MAML3: variants seen among roughly 807,000 people sequenced by gnomAD.
MAML3 encodes mastermind like transcriptional coactivator 3, also known as mastermind-like protein 3.
Under a neutral mutation model 101.9 loss-of-function variants are expected in MAML3, and 27 were observed. The observed-to-expected ratio is 0.27, with a 90% CI of 0.20 to 0.37. MAML3 has a LOEUF of 0.37. MAML3 is among the 10% of genes least tolerant of loss of function. The pLI, the probability that MAML3 is intolerant of heterozygous loss-of-function variation, is 1.00. For missense variants in MAML3, 1,316 were observed against 1,444.9 expected, an observed-to-expected ratio of 0.91 and a Z score of 1.45; for synonymous variants, 501 against 555.9, an observed-to-expected ratio of 0.90 and a Z score of 1.39.
rs936994739 is a variant in MAML3 at position 140,143,212 on chromosome 4, C to T, written c.468+9648G>A. Among the ~76,000 whole-genome samples, 12 of 152,214 alleles carry T rather than the reference C, an allele frequency of 7.9e-5. 1 individual carries two copies. Among genetic ancestry groups the T allele is most frequent in the Admixed American group, 7.2e-4 (11 of 15,288 alleles). On this transcript the variant is annotated intron_variant, in intron 1 of 4. Coordinates refer to ENST00000509479, the MANE Select transcript of MAML3 (RefSeq NM_018717.5). Reference sequence around the variant, plus strand: ...CCAGTGAGAATAAGGACGTCCTGTTCACCACTGCATCCTCAGTGGCTAGAA... The same window carrying T: ...CCAGTGAGAATAAGGACGTCCTGTTTACCACTGCATCCTCAGTGGCTAGAA...
intron 1 of MAML3, among the ~76,000 whole-genome samples, chr4:139,957,620 T>A (rs769655): frequency 0.72 from 109,573 of 152,062 alleles, 41,043 homozygotes; most frequent in East Asian, 0.92. Flanking sequence ...GACCAAAGAA[T>A]GACAGTCCTG....
At chr4:139,824,738 C>A (rs1486823326) in intron 2 of MAML3, among the ~76,000 whole-genome samples, 1 of 152,138 alleles carries the variant, frequency 6.6e-6, no homozygotes, top group Non-Finnish European at 1.5e-5. Context: ...TAGTTTCTGA[C>A]TTTTTAGCAT....
chr4:140,023,392 G>T (rs1033073490), intron 1 of MAML3, among the ~76,000 whole-genome samples: 2 of 152,138 alleles, frequency 1.3e-5, no homozygotes, highest in African/African-American at 4.8e-5. Flanking sequence ...TACACTCTTG[G>T]TGAGTGAGCA....
Position 140,057,042 on chromosome 4 carries a change from T to C in MAML3, c.468+95818A>G, listed in dbSNP as rs142156207. 2.0e-5 allele frequency among the ~76,000 whole-genome samples: 3 copies of C among 152,236 alleles called. No homozygotes were observed. In the East Asian group the frequency reaches 5.8e-4, roughly 29 times the overall value. ...TAACTTGCCCAAATCAGAAGCATAA[T>C]AAATAACAAAGTCAGGATTTAAGCC... On this transcript the variant is annotated intron_variant, in intron 1 of 4. Coordinates refer to ENST00000509479, the MANE Select transcript of MAML3 (RefSeq NM_018717.5).
At chr4:140,090,784 C>T (rs1213078505) in intron 1 of MAML3, among the ~76,000 whole-genome samples, 1 of 152,192 alleles carries the variant, frequency 6.6e-6, no homozygotes, top group Non-Finnish European at 1.5e-5. Flanking sequence ...GGCATGGTGG[C>T]TCAGGCCTAT....
At chr4:139,762,576 C>T (rs1484060717) in intron 2 of MAML3, among the ~76,000 whole-genome samples, 1 of 152,036 alleles carries the variant, frequency 6.6e-6, no homozygotes, top group Non-Finnish European at 1.5e-5. Flanking sequence ...AAATATTCAG[C>T]ATCATAAACC....
At chr4:140,152,261 C>T (rs1729186361) in intron 1 of MAML3, among the ~76,000 whole-genome samples, 1 of 152,228 alleles carries the variant, frequency 6.6e-6, no homozygotes, top group Admixed American at 6.5e-5. Context: ...AAAGTTCATT[C>T]ACAAAACTCT....
intron 1 of MAML3, among the ~76,000 whole-genome samples, chr4:140,055,606 A>T (rs1276969658): frequency 6.6e-6 from 1 of 152,242 alleles, no homozygotes; most frequent in Non-Finnish European, 1.5e-5. Flanking sequence ...AGGAGCTTAG[A>T]AACAGATATT....
At chr4:140,140,647 ATACT>A (rs766918640) in intron 1 of MAML3, among the ~76,000 whole-genome samples, 1 of 152,242 alleles carries the variant, frequency 6.6e-6, no homozygotes, top group Admixed American at 6.5e-5. Context: ...TTGAAGCATA[ATACT>A]TAGTTTATTG....
chr4:139,791,667 G>T (rs1730417987), intron 2 of MAML3, among the ~76,000 whole-genome samples: 1 of 152,104 alleles, frequency 6.6e-6, no homozygotes. Flanking sequence ...AGTCAAAGCA[G>T]CTTTACTCAT....
chr4:139,981,925 G>A (rs1218163524), intron 1 of MAML3, among the ~76,000 whole-genome samples: 3 of 152,044 alleles, frequency 2.0e-5, no homozygotes, highest in Non-Finnish European at 4.4e-5. Flanking sequence ...GATTTATCAC[G>A]ACTGATGTGA....
chr4:139,721,573 G>A (rs1266041291), intron 4 of MAML3, among the ~76,000 whole-genome samples: 1 of 152,132 alleles, frequency 6.6e-6, no homozygotes, highest in Non-Finnish European at 1.5e-5. Context: ...TCTTCCTGAT[G>A]TGGCTATTGA....
chr4:140,000,840 C>T (rs547781860), intron 1 of MAML3, among the ~76,000 whole-genome samples: 147 of 152,118 alleles, frequency 9.7e-4, no homozygotes, highest in Non-Finnish European at 1.9e-3. Flanking sequence ...CCAGCCTGAC[C>T]CACATGGAGA....
chr4:140,143,717 T>G (rs1027506291), intron 1 of MAML3, among the ~76,000 whole-genome samples: 1 of 152,066 alleles, frequency 6.6e-6, no homozygotes, highest in Non-Finnish European at 1.5e-5. Context: ...GCTGAGATCA[T>G]ACCACTGCAC....
chr4:139,767,142 G>A (rs999088237), intron 2 of MAML3, among the ~76,000 whole-genome samples: 4 of 152,144 alleles, frequency 2.6e-5, no homozygotes, highest in African/African-American at 2.4e-5. Flanking sequence ...ACTTTCCAGC[G>A]GGTACAGGTA....
intron 1 of MAML3, chr4:140,128,064 A>C (rs141406302): frequency 4.0e-4 from 61 of 152,432 alleles, no homozygotes; most frequent in African/African-American, 1.4e-3. Context: ...TAAGTGACAG[A>C]ACAGGCAGCT....
At position 139,716,797 on chromosome 4, in the gene MAML3, G is replaced by A. The variant is rs1438196394; in HGVS notation, c.*2526C>T. 1.3e-5 allele frequency: 2 copies of A among 152,508 alleles called. No individual in the cohort carries two copies. Among genetic ancestry groups the A allele is most frequent in the Non-Finnish European group, 2.9e-5 (2 of 68,030 alleles). The allele number at this position is 152,508 out of a possible 1,614,324, so 9.4% of individuals were successfully genotyped here. A position where few individuals can be genotyped will look rare whatever the true frequency, so the allele number is the denominator to read the frequency against. ...ATTTTTGTTTTTGTTTTCTTTAAAAGTGGTATGTCAACATCACTTCATTTC... is the reference window on the plus strand; with the variant it reads ...ATTTTTGTTTTTGTTTTCTTTAAAAATGGTATGTCAACATCACTTCATTTC... On this transcript the variant is annotated 3_prime_UTR_variant, in exon 5 of 5. Transcript: ENST00000509479.
chr4:139,923,004 C>T (rs1393145521), intron 1 of MAML3, among the ~76,000 whole-genome samples: 1 of 152,158 alleles, frequency 6.6e-6, no homozygotes, highest in Non-Finnish European at 1.5e-5. Context: ...CACCCCAGTG[C>T]TCAGAAGGGG....
At chr4:139,743,147 G>A (rs1434324197) in intron 2 of MAML3, among the ~76,000 whole-genome samples, 2 of 152,162 alleles carry the variant, frequency 1.3e-5, no homozygotes, top group Non-Finnish European at 2.9e-5. Flanking sequence ...GCATAACCAC[G>A]ATTCACATAT....
Sources: allele counts gnomAD v4.1 joint callset (sites outside exome capture counted in the v4.1 genomes callset), GRCh38; gene constraint gnomAD v4.1.1; transcripts MANE v1.5; gene names NCBI Gene and HGNC (gene_info 2026-07-23, HGNC 2026-07-21).